COG6: variants seen among roughly 807,000 people sequenced by gnomAD.
COG6 encodes component of oligomeric golgi complex 6.
Under a neutral mutation model 88.8 loss-of-function variants are expected in COG6, and 74 were observed. The observed-to-expected ratio is 0.83, with a 90% CI of 0.69 to 1.01. The LOEUF (loss-of-function observed/expected upper bound fraction) is 1.01, where lower values mean the gene tolerates loss of function less well. COG6 is among the 50% of genes least tolerant of loss of function. The probability of loss-of-function intolerance (pLI) is 0.00; values close to 1 mark genes in which losing one functional copy is unlikely to be tolerated. For missense variants in COG6, 800 were observed against 797.9 expected, an observed-to-expected ratio of 1.00 and a Z score of -0.03; for synonymous variants, 286 against 278.7, an observed-to-expected ratio of 1.03 and a Z score of -0.26.
At chr13:39,678,484 T>C (rs917258947) in intron 5 of COG6, among the ~76,000 whole-genome samples, 2 of 152,248 alleles carry the variant, frequency 1.3e-5, no homozygotes, top group African/African-American at 4.8e-5. Flanking sequence ...ATCTAATTAA[T>C]TTTTTAAGCT....
At position 39,752,540 on chromosome 13, in the gene COG6, A is replaced by G; in HGVS notation, c.*1447A>G. ...TTATTTCTACAGAGAAAGAAGATTG[A>G]TACCTTGCTATGAGTGAATTCCTTT... On this transcript the variant is annotated 3_prime_UTR_variant, in exon 19 of 19. Transcript: ENST00000455146. 8.1e-7 allele frequency: 1 copy of G among 1,230,768 alleles called. No individual in the cohort carries two copies. Among genetic ancestry groups the G allele is most frequent in the South Asian group, 1.3e-5 (1 of 76,186 alleles). 76.2% of individuals were successfully genotyped at this position (1,230,768 alleles called of 1,614,324 possible). A position where few individuals can be genotyped will look rare whatever the true frequency, so the allele number is the denominator to read the frequency against.
Position 39,750,924 on chromosome 13 carries a change from C to T in COG6, c.1827-22C>T, listed in dbSNP as rs1213237047. ...ATATTTTTTTCAAATGATGTGTTTA[C>T]ATTTTGTTTGCTTATCAATAGAGAG... On this transcript the variant is annotated intron_variant, in intron 18 of 18. Transcript: ENST00000455146. 4 of 1,599,834 alleles carry T rather than the reference C, an allele frequency of 2.5e-6. No homozygotes were observed. The East Asian group carries it at 6.7e-5, about 27-fold the overall frequency.
At chr13:39,697,649 C>G (rs1566184557) in intron 12 of COG6, among the ~76,000 whole-genome samples, 1 of 151,938 alleles carries the variant, frequency 6.6e-6, no homozygotes, top group Non-Finnish European at 1.5e-5. Context: ...TAATCCGCCT[C>G]TCTCCTGCCC....
intron 2 of COG6, 60 bp downstream of exon 2, chr13:39,659,567 G>A: frequency 6.9e-7 from 1 of 1,450,222 alleles, no homozygotes; most frequent in South Asian, 1.2e-5. Context: ...CTGGCTCTGT[G>A]CTAAGTATTT....
At chr13:39,757,461 C>T, downstream of COG6, among the ~76,000 whole-genome samples, 1 of 151,290 alleles carries the variant, frequency 6.6e-6, no homozygotes, top group East Asian at 1.9e-4. Context: ...AAGATTATAA[C>T]AGAGACAAAG....
chr13:39,714,117 G>A (rs1489518511), intron 13 of COG6, among the ~76,000 whole-genome samples: 1 of 151,980 alleles, frequency 6.6e-6, no homozygotes, highest in African/African-American at 2.4e-5. Context: ...TTATTTCAAG[G>A]GGGAAAAAAA....
intron 4 of COG6, among the ~76,000 whole-genome samples, chr13:39,672,007 T>C (rs1375151836): frequency 6.6e-6 from 1 of 152,012 alleles, no homozygotes; most frequent in African/African-American, 2.4e-5. Context: ...CACTCCTTTC[T>C]ACACAGAAAA....
chr13:39,698,745 C>T (rs1877412820), intron 12 of COG6, among the ~76,000 whole-genome samples: 1 of 151,772 alleles, frequency 6.6e-6, no homozygotes, highest in Non-Finnish European at 1.5e-5. Flanking sequence ...TACTGGATTA[C>T]AGCATATTTT....
At chr13:39,785,164 T>G (rs1446806932) in intron 18 of COG6, among the ~76,000 whole-genome samples, 5 of 152,196 alleles carry the variant, frequency 3.3e-5, no homozygotes, top group Non-Finnish European at 7.4e-5. Flanking sequence ...GCAATGAAGG[T>G]CATCAAAAGA....
At chr13:39,778,389 T>C (rs1218740159) in intron 18 of COG6, among the ~76,000 whole-genome samples, 1 of 152,226 alleles carries the variant, frequency 6.6e-6, no homozygotes, top group East Asian at 1.9e-4. Flanking sequence ...AGGGACTATG[T>C]AGCTCATGTG....
chr13:39,761,991 T>C (rs1313736303), intron 18 of COG6, among the ~76,000 whole-genome samples: 1 of 151,842 alleles, frequency 6.6e-6, no homozygotes, highest in Non-Finnish European at 1.5e-5. Context: ...TACCATATGA[T>C]CCAGCAATCT....
intron 18 of COG6, among the ~76,000 whole-genome samples, chr13:39,773,473 C>T (rs1038101764): frequency 4.6e-5 from 7 of 152,284 alleles, no homozygotes; most frequent in East Asian, 3.9e-4. Context: ...TTAGAAGCTG[C>T]GTATGTTTTA....
chr13:39,658,011 A>G (rs938590757), intron 1 of COG6, among the ~76,000 whole-genome samples: 3 of 150,644 alleles, frequency 2.0e-5, no homozygotes, highest in East Asian at 1.9e-4. Context: ...AAAGAACGTC[A>G]CCATTTACCC....
intron 13 of COG6, among the ~76,000 whole-genome samples, chr13:39,702,687 G>A (rs538323988): frequency 4.0e-4 from 60 of 151,866 alleles, no homozygotes; most frequent in African/African-American, 1.4e-3. Context: ...TAATAACCAC[G>A]GTAGAAAGAT....
At chr13:39,659,617 G>A in intron 2 of COG6, 110 bp downstream of exon 2, 1 of 848,188 alleles carries the variant, frequency 1.2e-6, no homozygotes, top group South Asian at 1.5e-5. Context: ...TGTATACTAT[G>A]CCCAAATAGA....
chr13:39,715,003 A>C (rs569673261), intron 13 of COG6, among the ~76,000 whole-genome samples: 1 of 152,106 alleles, frequency 6.6e-6, no homozygotes, highest in Non-Finnish European at 1.5e-5. Flanking sequence ...GAGCTAAGCT[A>C]TGGGTACACA....
intron 13 of COG6, among the ~76,000 whole-genome samples, chr13:39,714,173 G>C (rs1291235172): frequency 6.6e-6 from 1 of 151,252 alleles, no homozygotes; most frequent in African/African-American, 2.4e-5. Flanking sequence ...TTACATCATT[G>C]GTCTTCTGTT....
intron 13 of COG6, among the ~76,000 whole-genome samples, chr13:39,715,731 C>T (rs1417199390): frequency 6.6e-6 from 1 of 151,924 alleles, no homozygotes; most frequent in African/African-American, 2.4e-5. Context: ...GAAAATAACA[C>T]TCATCTACAT....
rs1316496387 is a variant in COG6 at position 39,706,261 on chromosome 13, A to ATATATATATATATATATATACTCCTT, written c.1284+6660_1284+6661insATACTCCTTTATATATATATATATAT. ...TATATATATATATACTCCTTTATAT[A>ATATATATATATATATATATACTCCTT]TATATATATATATATATTTAAATAT... On this transcript the variant is annotated intron_variant, in intron 13 of 18. Transcript: ENST00000455146. 1.6e-3 allele frequency among the ~76,000 whole-genome samples: 225 copies of ATATATATATATATATATATACTCCTT among 137,650 alleles called. 3 individuals are homozygous for ATATATATATATATATATATACTCCTT. The highest frequency in any genetic ancestry group is 3.4e-3 in the African/African-American group (132 of 38,712). 90.3% of individuals were successfully genotyped at this position (137,650 alleles called of 152,430 possible). A position where few individuals can be genotyped will look rare whatever the true frequency, so the allele number is the denominator to read the frequency against.
Sources: gnomAD v4.1 joint callset for allele counts (sites outside exome capture counted in the v4.1 genomes callset) on GRCh38, gnomAD v4.1.1 for gene constraint, MANE v1.5 for transcripts, NCBI Gene and HGNC (gene_info 2026-07-23, HGNC 2026-07-21) for gene names.